The following KCNQ5 variants were observed in gnomAD, a reference collection of about 807,000 sequenced individuals.
The protein encoded by KCNQ5 is potassium voltage-gated channel subfamily Q member 5.
KCNQ5 carries 30 observed loss-of-function variants against 98.2 expected under a neutral mutation model. The ratio of observed to expected loss-of-function variants is 0.31; its 90% CI spans 0.23 to 0.41. KCNQ5 has a LOEUF of 0.41. Ranked by LOEUF, KCNQ5 falls within the 10% of genes least tolerant of loss-of-function variation. The pLI, the probability that KCNQ5 is intolerant of heterozygous loss-of-function variation, is 1.00. For missense variants in KCNQ5, 835 were observed against 1,182.5 expected, an observed-to-expected ratio of 0.71 and a Z score of 4.31; for synonymous variants, 458 against 449.4, an observed-to-expected ratio of 1.02 and a Z score of -0.24.
At chr6:72,955,430 G>A (rs1766993898) in intron 1 of KCNQ5, among the ~76,000 whole-genome samples, 1 of 152,042 alleles carries the variant, frequency 6.6e-6, no homozygotes, top group Admixed American at 6.6e-5. Flanking sequence ...TTTCATCTCT[G>A]GTAATTTTGT....
intron 1 of KCNQ5, among the ~76,000 whole-genome samples, chr6:72,854,591 A>G (rs1777439968): frequency 6.6e-6 from 1 of 151,686 alleles, no homozygotes; most frequent in South Asian, 2.1e-4. Context: ...ATGTTAAAGG[A>G]TTCTTTTATT....
intron 1 of KCNQ5, among the ~76,000 whole-genome samples, chr6:72,983,376 ACT>A (rs1331312208): frequency 6.6e-6 from 1 of 151,214 alleles, no homozygotes; most frequent in African/African-American, 2.4e-5. Context: ...ATTTCTTTTT[ACT>A]CTTTTTTCTC....
At chr6:72,770,615 A>G (rs1772817405) in intron 1 of KCNQ5, among the ~76,000 whole-genome samples, 1 of 152,132 alleles carries the variant, frequency 6.6e-6, no homozygotes, top group Admixed American at 6.6e-5. Flanking sequence ...GAAAGAAAAC[A>G]TTATTCATAT....
intron 10 of KCNQ5, among the ~76,000 whole-genome samples, chr6:73,154,780 T>C (rs1021044318): frequency 2.8e-4 from 43 of 152,328 alleles, no homozygotes; most frequent in African/African-American, 9.1e-4. Flanking sequence ...CATGGGCTAA[T>C]AGGGGAAGAT....
At chr6:72,684,745 A>G (rs1767867323) in intron 1 of KCNQ5, among the ~76,000 whole-genome samples, 1 of 152,232 alleles carries the variant, frequency 6.6e-6, no homozygotes. Context: ...AAATATTGAC[A>G]TATTAATTTA....
intron 9 of KCNQ5, 144 bp from the exon 10 acceptor site, chr6:73,133,277 G>T (rs1776310024): frequency 1.5e-6 from 1 of 675,982 alleles, no homozygotes; most frequent in Non-Finnish European, 2.5e-6. Context: ...TTTAAATAAG[G>T]GAAAAATAAT....
At chr6:72,998,764 C>T (rs1422066519) in intron 1 of KCNQ5, among the ~76,000 whole-genome samples, 2 of 151,958 alleles carry the variant, frequency 1.3e-5, no homozygotes, top group African/African-American at 2.4e-5. Context: ...AAGATCTCCC[C>T]TCCCTCAAAA....
At chr6:72,853,953 C>T (rs1196785567) in intron 1 of KCNQ5, among the ~76,000 whole-genome samples, 1 of 152,170 alleles carries the variant, frequency 6.6e-6, no homozygotes, top group Non-Finnish European at 1.5e-5. Flanking sequence ...TGACTTTCTG[C>T]ACACCTCCTA....
intron 3 of KCNQ5, among the ~76,000 whole-genome samples, chr6:73,044,534 A>G (rs1372169314): frequency 6.6e-6 from 1 of 152,172 alleles, no homozygotes; most frequent in African/African-American, 2.4e-5. Flanking sequence ...TGTTATAGTG[A>G]AGCATGTTCA....
At chr6:72,739,610 C>A (rs1245930415) in intron 1 of KCNQ5, among the ~76,000 whole-genome samples, 2 of 152,110 alleles carry the variant, frequency 1.3e-5, no homozygotes, top group Non-Finnish European at 2.9e-5. Flanking sequence ...ATACAGAAAC[C>A]ACTTTTTACA....
chr6:72,731,786 G>T (rs1470875648), intron 1 of KCNQ5, among the ~76,000 whole-genome samples: 2 of 152,198 alleles, frequency 1.3e-5, no homozygotes, highest in Non-Finnish European at 2.9e-5. Context: ...GGAACAAGGA[G>T]AGAATGGATT....
chr6:73,063,427 C>T (rs76510575), intron 3 of KCNQ5, among the ~76,000 whole-genome samples: 5,264 of 152,174 alleles, frequency 0.035, 148 homozygotes, highest in African/African-American at 0.077. Flanking sequence ...CTCTGGGACA[C>T]TCTTTCTTTC....
chr6:73,064,757 C>T (rs1170670641), intron 3 of KCNQ5, among the ~76,000 whole-genome samples: 1 of 152,092 alleles, frequency 6.6e-6, no homozygotes, highest in East Asian at 1.9e-4. Flanking sequence ...TCTAAAGCAT[C>T]AGAAAATACA....
In KCNQ5 at chr6:72,622,649, GC is replaced by G; in HGVS notation, c.398+63del. ...GGACCACTGTCCCTGGCCCCCTGGG[GC>G]GTGCTCCGCGCTCGCGCCCTTGGGC... On this transcript the variant is annotated intron_variant, in intron 1 of 13. Coordinates refer to ENST00000370398, the MANE Select transcript of KCNQ5 (RefSeq NM_019842.4). The surrounding 1 kb of genome is among the most constrained non-coding windows in gnomAD (Gnocchi z 6.0). 1 of 1,576,782 alleles carries G rather than the reference GC, an allele frequency of 6.3e-7. No homozygotes were observed.
intron 1 of KCNQ5, among the ~76,000 whole-genome samples, chr6:72,916,477 T>A (rs928502697): frequency 3.3e-5 from 5 of 152,196 alleles, no homozygotes; most frequent in African/African-American, 1.2e-4. Context: ...GGCAGATTAC[T>A]ATGAGATGAC....
intron 1 of KCNQ5, among the ~76,000 whole-genome samples, chr6:72,756,651 A>T (rs1333973359): frequency 6.6e-6 from 1 of 152,136 alleles, no homozygotes; most frequent in East Asian, 1.9e-4. Flanking sequence ...TATAAATTTC[A>T]TGGCTAAAGA....
chr6:73,154,559 C>A (rs1777278723), intron 10 of KCNQ5, among the ~76,000 whole-genome samples: 1 of 151,658 alleles, frequency 6.6e-6, no homozygotes, highest in Non-Finnish European at 1.5e-5. Context: ...GAGAGAGATC[C>A]CTCTTCCTTT....
intron 1 of KCNQ5, among the ~76,000 whole-genome samples, chr6:72,789,539 A>T (rs1773924716): frequency 6.6e-6 from 1 of 152,196 alleles, no homozygotes; most frequent in East Asian, 1.9e-4. Context: ...TTTAAATATA[A>T]CTTATATAGA....
intron 3 of KCNQ5, among the ~76,000 whole-genome samples, chr6:73,058,619 A>G (rs1457118767): frequency 6.6e-6 from 1 of 152,246 alleles, no homozygotes; most frequent in African/African-American, 2.4e-5. Flanking sequence ...AACAGAGTGA[A>G]CAGACAACCT....
Sources: allele counts gnomAD v4.1 joint callset (sites outside exome capture counted in the v4.1 genomes callset), GRCh38; gene constraint gnomAD v4.1.1; non-coding constraint Gnocchi (gnomAD v3.1); transcripts MANE v1.5; gene names NCBI Gene and HGNC (gene_info 2026-07-23, HGNC 2026-07-21).